CRB1: variants seen among roughly 807,000 people sequenced by gnomAD.
CRB1 encodes the protein crumbs cell polarity complex component 1, also known as protein crumbs homolog 1.
Under a neutral mutation model 120.0 loss-of-function variants are expected in CRB1, and 83 were observed. The observed-to-expected ratio is 0.69, with a 90% CI of 0.58 to 0.83. The LOEUF is 0.83. Ranked by LOEUF, CRB1 falls within the 40% of genes least tolerant of loss-of-function variation. The pLI is 0.00. For synonymous variants in CRB1, 625 were observed against 612.5 expected, an observed-to-expected ratio of 1.02 and a Z score of -0.30; for missense variants, 1,699 against 1,687.6, an observed-to-expected ratio of 1.01 and a Z score of -0.12.
At chr1:197,342,286 G>A (rs559507799) in intron 2 of CRB1, among the ~76,000 whole-genome samples, 207 of 152,146 alleles carry the variant, frequency 1.4e-3, no homozygotes, top group Non-Finnish European at 2.4e-3. Context: ...AACCTCTGTC[G>A]CCTGGCCTTT....
intron 11 of CRB1, among the ~76,000 whole-genome samples, chr1:197,468,420 T>A (rs927842205): frequency 2.0e-5 from 3 of 151,778 alleles, no homozygotes; most frequent in African/African-American, 7.3e-5. Flanking sequence ...TCGGTAATAA[T>A]TTGTTGAGTA....
intron 11 of CRB1, among the ~76,000 whole-genome samples, chr1:197,462,126 G>A (rs535764098): frequency 7.2e-5 from 11 of 152,146 alleles, no homozygotes; most frequent in African/African-American, 2.6e-4. Flanking sequence ...TAATGTTGTC[G>A]TTCTTGATTT....
At chr1:197,477,492 A>C in intron 11 of CRB1, 172 bp from the exon 12 acceptor site, 1 of 714,096 alleles carries the variant, frequency 1.4e-6, no homozygotes, top group Non-Finnish European at 2.6e-6. Flanking sequence ...ATTATTTGTA[A>C]ATGATTTGAG....
At chr1:197,362,938 G>A (rs1177884034) in intron 5 of CRB1, among the ~76,000 whole-genome samples, 1 of 151,994 alleles carries the variant, frequency 6.6e-6, no homozygotes, top group Non-Finnish European at 1.5e-5. Context: ...TTTTCTGTTT[G>A]ATTCCTTTCT....
chr1:197,329,744 T>C (rs552417776), intron 2 of CRB1, among the ~76,000 whole-genome samples: 59 of 152,344 alleles, frequency 3.9e-4, no homozygotes, highest in South Asian at 2.3e-3. Flanking sequence ...CTTTGCTTTA[T>C]TCTTTGGCTT....
rs1001120405 is a variant in CRB1 at position 197,354,665 on chromosome 1, G to T, written c.989-2166G>T. Among the ~76,000 whole-genome samples, 10 of 152,126 alleles carry T rather than the reference G, an allele frequency of 6.6e-5. No individual in the cohort carries two copies. In the East Asian group the frequency reaches 1.9e-3, roughly 29 times the overall value. On this transcript the variant is annotated intron_variant, in intron 4 of 11. Transcript: ENST00000367400. Reference sequence around the variant, plus strand: ...GCAGACCTTCATGGTGAGTGCTACAGCTCATAAAGTCAGTGTGGACCCAAA... The same window carrying T: ...GCAGACCTTCATGGTGAGTGCTACATCTCATAAAGTCAGTGTGGACCCAAA...
At chr1:197,261,619 A>G in the CRB1 span, among the ~76,000 whole-genome samples, 2 of 152,228 alleles carry the variant, frequency 1.3e-5, no homozygotes, top group East Asian at 3.9e-4. Flanking sequence ...GTATAAAACG[A>G]TATTCATTAA....
chr1:197,453,852 T>TATTGATAATAATATATAA (rs1467903887), intron 11 of CRB1, among the ~76,000 whole-genome samples: 1 of 141,952 alleles, frequency 7.0e-6, no homozygotes, highest in African/African-American at 2.6e-5. Context: ...AATATTATTA[T>TATTGATAATAATATATAA]TAATATATAT....
At chr1:197,410,205 G>C (rs1298148439) in intron 5 of CRB1, among the ~76,000 whole-genome samples, 4 of 152,112 alleles carry the variant, frequency 2.6e-5, no homozygotes, top group African/African-American at 9.7e-5. Context: ...CTATTCCACT[G>C]CAAGCTGAAA....
At chr1:197,330,854 A>G (rs1355919777) in intron 2 of CRB1, among the ~76,000 whole-genome samples, 1 of 152,066 alleles carries the variant, frequency 6.6e-6, no homozygotes, top group South Asian at 2.1e-4. Flanking sequence ...TCTTTAATTC[A>G]TCAATACTTT....
At chr1:197,203,974 G>T in the CRB1 span, among the ~76,000 whole-genome samples, 3 of 151,892 alleles carry the variant, frequency 2.0e-5, no homozygotes, top group Admixed American at 1.3e-4. Flanking sequence ...AATCCCCAGA[G>T]TCCATTGTAT....
chr1:197,466,579 A>T (rs1666759511), intron 11 of CRB1, among the ~76,000 whole-genome samples: 1 of 152,102 alleles, frequency 6.6e-6, no homozygotes, highest in Non-Finnish European at 1.5e-5. Flanking sequence ...AATTATCCTT[A>T]TATGCTCCTA....
intron 8 of CRB1, among the ~76,000 whole-genome samples, chr1:197,432,386 ACACACACACACACACAC>A (rs893706894): frequency 1.3e-5 from 2 of 151,416 alleles, no homozygotes; most frequent in African/African-American, 4.9e-5. Context: ...ACACACACAC[ACACACACACACACACAC>A]ATAGTAAAAA....
chr1:197,230,361 T>A, the CRB1 span, among the ~76,000 whole-genome samples: 1 of 152,226 alleles, frequency 6.6e-6, no homozygotes, highest in Non-Finnish European at 1.5e-5. Context: ...TGTAAATCAC[T>A]GTTAGAATAT....
chr1:197,447,310 A>G (rs957227204), intron 11 of CRB1: 1 of 152,226 alleles, frequency 6.6e-6, no homozygotes, highest in East Asian at 1.9e-4. Context: ...GCTCCCCAAC[A>G]TGGTTGCTTA....
In CRB1 at chr1:197,356,880, C is replaced by G. The variant is rs1320196113; in HGVS notation, c.1038C>G (p.Asn346Lys). ...CEIDLNECNSNPCQSNGECVE... is the reference protein window; with the variant it reads ...CEIDLNECNSKPCQSNGECVE... ...TCGACCTCAATGAATGCAATAGTAA[C>G]CCCTGCCAGTCCAATGGGGAATGTG... is the stretch of plus-strand genomic sequence containing the variant. Residue 346 changes from asparagine (N) to lysine (K), a missense_variant, in exon 5 of 12, where the codon AAC (asparagine) becomes AAG (lysine). Transcript: ENST00000367400. 1 of 1,614,178 alleles carries G rather than the reference C, an allele frequency of 6.2e-7. No homozygotes were observed. The highest frequency in any genetic ancestry group is 8.5e-7 in the Non-Finnish European group (1 of 1,180,028).
At chr1:197,340,229 T>C (rs1027148736) in intron 2 of CRB1, among the ~76,000 whole-genome samples, 4 of 152,104 alleles carry the variant, frequency 2.6e-5, no homozygotes, top group Non-Finnish European at 5.9e-5. Flanking sequence ...ATTTGGGAAC[T>C]AACTGGAGCT....
the CRB1 span, among the ~76,000 whole-genome samples, chr1:197,237,030 A>T: frequency 2.0e-5 from 3 of 151,976 alleles, no homozygotes; most frequent in Non-Finnish European, 4.4e-5. Flanking sequence ...GGTAATGCTA[A>T]CCTCGGAATG....
At chr1:197,447,100 C>T (rs940156371) in intron 11 of CRB1, among the ~76,000 whole-genome samples, 37 of 152,220 alleles carry the variant, frequency 2.4e-4, no homozygotes, top group African/African-American at 7.9e-4. Context: ...GTTCAGGAGC[C>T]CAGGCATGGC....
Sources: allele counts gnomAD v4.1 joint callset (sites outside exome capture counted in the v4.1 genomes callset), GRCh38; gene constraint gnomAD v4.1.1; transcripts MANE v1.5; gene names NCBI Gene and HGNC (gene_info 2026-07-23, HGNC 2026-07-21).